The following PKD1L1 variants were observed in gnomAD, a reference collection of about 807,000 sequenced individuals.
The protein encoded by PKD1L1 is polycystin-1-like protein 1.
PKD1L1 carries 236 observed loss-of-function variants against 323.4 expected under a neutral mutation model. The observed-to-expected ratio is 0.73, with a 90% CI of 0.66 to 0.81. The LOEUF (loss-of-function observed/expected upper bound fraction) is 0.81, where lower values mean the gene tolerates loss of function less well. Ranked by LOEUF, PKD1L1 falls within the 40% of genes least tolerant of loss-of-function variation. The pLI, the probability that PKD1L1 is intolerant of heterozygous loss-of-function variation, is 0.00. For synonymous variants in PKD1L1, 1,344 were observed against 1,335.0 expected, an observed-to-expected ratio of 1.01 and a Z score of -0.15; for missense variants, 3,320 against 3,508.0, an observed-to-expected ratio of 0.95 and a Z score of 1.35.
At chr7:47,804,433 C>A (rs1478081619) in intron 52 of PKD1L1, among the ~76,000 whole-genome samples, 3 of 150,710 alleles carry the variant, frequency 2.0e-5, no homozygotes, top group Non-Finnish European at 2.9e-5. Flanking sequence ...CAATATGTAA[C>A]CAACATAAAA....
chr7:47,839,018 C>CTGTTATTCT lies in PKD1L1; in HGVS notation c.5769+419_5769+427dup, dbSNP rs1331702944. 6.6e-6 allele frequency among the ~76,000 whole-genome samples: 1 copy of CTGTTATTCT among 151,994 alleles called. No individual in the cohort carries two copies. Among genetic ancestry groups the CTGTTATTCT allele is most frequent in the Non-Finnish European group, 1.5e-5 (1 of 68,024 alleles). The stretch of plus-strand genomic sequence containing the variant: ...TTCCATGGTTAGTTTGTGAGGTTAT[C>CTGTTATTCT]TGTTATTCTGTCACTCTGGCTATCT... On this transcript the variant is annotated intron_variant, in intron 36 of 56. Coordinates refer to ENST00000289672, the MANE Select transcript of PKD1L1 (RefSeq NM_138295.5). This position sits in a 1 kb window ranked among gnomAD's most constrained non-coding sequence, Gnocchi z 4.3.
rs1219450203 is a variant in PKD1L1 at position 47,846,976 on chromosome 7, A to G, written c.5056T>C (p.Phe1686Leu). The G allele has an allele frequency of 1.2e-6, 2 of 1,614,014 alleles. No individual in the cohort carries two copies. Among genetic ancestry groups the G allele is most frequent in the South Asian group, 2.2e-5 (2 of 91,000 alleles). Reference sequence around the variant, plus strand: ...CAAAACAGGCATCGGATCCACTGGAAATGTACTGTATAGTTCACTGCCTTA... The same window carrying G: ...CAAAACAGGCATCGGATCCACTGGAGATGTACTGTATAGTTCACTGCCTTA... Reference protein sequence around the residue: ...LAKAVNYTVHFQWIRCLFWDK... With the variant: ...LAKAVNYTVHLQWIRCLFWDK... Residue 1686 changes from phenylalanine (F) to leucine (L), a missense_variant, in exon 32 of 57, where the codon TTC becomes CTC. Phe to Leu is a conservative substitution (Grantham distance 22, BLOSUM62 0). Transcript: ENST00000289672.
intron 8 of PKD1L1, among the ~76,000 whole-genome samples, chr7:47,913,237 A>C (rs920266366): frequency 1.3e-5 from 2 of 152,152 alleles, no homozygotes; most frequent in Non-Finnish European, 2.9e-5. Context: ...TTATTGCATG[A>C]ATTTTCCTAA....
At chr7:47,952,451 A>C (rs149799823), upstream of PKD1L1, among the ~76,000 whole-genome samples, 22 of 152,318 alleles carry the variant, frequency 1.4e-4, no homozygotes, top group Non-Finnish European at 2.4e-4. Flanking sequence ...GCTCCGCCCC[A>C]TGGGCTGGAG....
In PKD1L1 at chr7:47,796,133, C is replaced by T. The variant is rs767104795; in HGVS notation, c.8211G>A (p.Met2737Ile). ...AAGATTTTCTTTTTTGGGGTAAAGT[C>T]ATGAGAAAACCTCTCAGCTAGGAAA... ...LCFGMLRGFL[M>I]TLPQKRKSFQ... is the part of the protein sequence containing the mutation. Residue 2737 changes from methionine to isoleucine, a missense_variant, in exon 55 of 57, where the codon ATG becomes ATA. Coordinates refer to ENST00000289672, the MANE Select transcript of PKD1L1 (RefSeq NM_138295.5). The T allele has an allele frequency of 8.1e-6, 13 of 1,598,000 alleles. No homozygotes were observed. Among genetic ancestry groups the T allele is most frequent in the Middle Eastern group, 1.7e-4 (1 of 6,054 alleles).
At chr7:47,875,409 G>T (rs914421319) in intron 23 of PKD1L1, among the ~76,000 whole-genome samples, 5 of 152,166 alleles carry the variant, frequency 3.3e-5, no homozygotes. Context: ...GAAACTTCTA[G>T]ATCAGTGACT....
intron 8 of PKD1L1, among the ~76,000 whole-genome samples, 162 bp downstream of exon 8, chr7:47,915,270 G>T (rs1050311960): frequency 6.6e-6 from 1 of 152,154 alleles, no homozygotes; most frequent in Non-Finnish European, 1.5e-5. Flanking sequence ...CCCATGAGTG[G>T]CTATAAATTA....
chr7:47,827,402 T>A lies in PKD1L1; in HGVS notation c.6802A>T (p.Arg2268Trp), dbSNP rs1477279997. 2 of 1,613,414 alleles carry A rather than the reference T, an allele frequency of 1.2e-6. No individual in the cohort carries two copies. Among genetic ancestry groups the A allele is most frequent in the Admixed American group, 3.3e-5 (2 of 60,014 alleles). Reference sequence around the variant, plus strand: ...CTCCTCATCCTCTGTCTGGTGCCCCTCAGCTGGGCCTTGGATGGTGGATGC... The same window carrying A: ...CTCCTCATCCTCTGTCTGGTGCCCCACAGCTGGGCCTTGGATGGTGGATGC... Reference protein sequence around the residue: ...WAHPPSKAQLRGTRQRMRRES... With the variant: ...WAHPPSKAQLWGTRQRMRRES... Residue 2268 changes from arginine (R) to tryptophan (W), a missense_variant, in exon 45 of 57, where the codon AGG (arginine) becomes TGG (tryptophan). Physicochemically the swap from Arg to Trp is moderately radical, Grantham distance 101 (BLOSUM62 -3). Coordinates refer to ENST00000289672, the MANE Select transcript of PKD1L1 (RefSeq NM_138295.5).
chr7:47,863,613 G>A (rs1477465944), intron 26 of PKD1L1, among the ~76,000 whole-genome samples: 1 of 152,158 alleles, frequency 6.6e-6, no homozygotes, highest in Non-Finnish European at 1.5e-5. Flanking sequence ...TCCCCGGCAG[G>A]GAGAGAATGG....
intron 7 of PKD1L1, among the ~76,000 whole-genome samples, chr7:47,918,813 A>T (rs1787480563): frequency 1.3e-5 from 2 of 152,118 alleles, no homozygotes; most frequent in Admixed American, 6.5e-5. Context: ...AAAATTCTTC[A>T]AACTGAACCA....
rs182669141 is a variant in PKD1L1, at chr7:47,846,373, G to A, written c.5153+506C>T. 2.1e-4 allele frequency among the ~76,000 whole-genome samples: 32 copies of A among 152,272 alleles called. No individual in the cohort carries two copies. The East Asian group carries it at 4.4e-3, about 21-fold the overall frequency. Reference sequence around the variant, plus strand: ...TCCTGAGGAGGCTGTTCATGTTTGCGCAGAGACTTTTCTTGCCTCAGAAAG... The same window carrying A: ...TCCTGAGGAGGCTGTTCATGTTTGCACAGAGACTTTTCTTGCCTCAGAAAG... On this transcript the variant is annotated intron_variant, in intron 32 of 56. Transcript: ENST00000289672.
chr7:47,880,267 TATATATATA>T (rs1562970449), intron 21 of PKD1L1, among the ~76,000 whole-genome samples: 33 of 77,502 alleles, frequency 4.3e-4, no homozygotes, highest in Non-Finnish European at 4.9e-4. Flanking sequence ...TATATATACA[TATATATATA>T]TATATATATT....
chr7:47,899,955 C>CAAAA (rs10639721), intron 13 of PKD1L1, among the ~76,000 whole-genome samples: 1 of 106,512 alleles, frequency 9.4e-6, no homozygotes, highest in African/African-American at 3.7e-5. Flanking sequence ...GACTCCATCC[C>CAAAA]AAAAAAAAAA....
At chr7:47,941,660 A>C (rs534307523) in intron 2 of PKD1L1, among the ~76,000 whole-genome samples, 1 of 152,366 alleles carries the variant, frequency 6.6e-6, no homozygotes, top group Non-Finnish European at 1.5e-5. Flanking sequence ...GCACCAACTG[A>C]GGTATGAAGT....
At chr7:47,905,700 A>G in intron 10 of PKD1L1, 143 bp downstream of exon 10, 1 of 1,175,406 alleles carries the variant, frequency 8.5e-7, no homozygotes, top group Non-Finnish European at 1.2e-6. Context: ...CAAATGGCAG[A>G]TGAACAAAGA....
chr7:47,891,654 G>A (rs1786821112), intron 15 of PKD1L1, among the ~76,000 whole-genome samples: 1 of 152,250 alleles, frequency 6.6e-6, no homozygotes, highest in Middle Eastern at 3.2e-3. Context: ...CTCAGCAGGA[G>A]CACTGCCTCC....
chr7:47,946,498 CAA>C lies in PKD1L1; in HGVS notation c.44+1897_44+1898del, dbSNP rs987816431. Among the ~76,000 whole-genome samples the C allele has an allele frequency of 3.7e-5, 4 of 107,724 alleles. No homozygotes were observed. The highest frequency in any genetic ancestry group is 6.0e-5 in the African/African-American group (2 of 33,410). 70.7% of individuals were successfully genotyped at this position (107,724 alleles called of 152,430 possible). A position where few individuals can be genotyped will look rare whatever the true frequency, so the allele number is the denominator to read the frequency against. ...CACACACCACACACCACGCACCACA[CAA>C]ACACACCATACACACAAACACCACA... On this transcript the variant is annotated intron_variant, in intron 1 of 56. Coordinates refer to ENST00000289672, the MANE Select transcript of PKD1L1 (RefSeq NM_138295.5). The surrounding 1 kb of genome is among the most constrained non-coding windows in gnomAD (Gnocchi z 4.1).
In PKD1L1 at chr7:47,792,810, A is replaced by C. The variant is rs752991044; in HGVS notation, c.8356-13T>G. The C allele has an allele frequency of 5.6e-6, 9 of 1,604,254 alleles. No homozygotes were observed. In the African/African-American group the frequency reaches 9.4e-5, roughly 17 times the overall value. On this transcript the variant is annotated splice_polypyrimidine_tract_variant and intron_variant, in intron 55 of 56. Coordinates refer to ENST00000289672, the MANE Select transcript of PKD1L1 (RefSeq NM_138295.5). Reference sequence around the variant, plus strand: ...CCAAGTAGTAATTCTGAAGGGAAGAAAATTAGATTAGTAAATGCATTCAAG... The same window carrying C: ...CCAAGTAGTAATTCTGAAGGGAAGACAATTAGATTAGTAAATGCATTCAAG...
intron 31 of PKD1L1, among the ~76,000 whole-genome samples, chr7:47,849,734 C>T (rs142023832): frequency 2.2e-4 from 34 of 152,236 alleles, no homozygotes; most frequent in African/African-American, 8.2e-4. Context: ...TTTACACTGC[C>T]TGTGGGAATG....
Sources: gnomAD v4.1 joint callset for allele counts (sites outside exome capture counted in the v4.1 genomes callset) on GRCh38, gnomAD v4.1.1 for gene constraint, Gnocchi (gnomAD v3.1) non-coding constraint, MANE v1.5 for transcripts, NCBI Gene and HGNC (gene_info 2026-07-23, HGNC 2026-07-21) for gene names.